RCOR1: variants seen among roughly 807,000 people sequenced by gnomAD.
The protein encoded by RCOR1 is REST corepressor 1.
A neutral mutation model predicts 64.0 loss-of-function variants in RCOR1; 12 were observed. The observed-to-expected ratio is 0.19, with a 90% CI of 0.12 to 0.30. RCOR1 has a LOEUF of 0.30. Among genes scored for constraint, RCOR1 ranks in the 10% least tolerant of loss-of-function variants. RCOR1 has a pLI of 1.00. For missense variants in RCOR1, 502 were observed against 621.2 expected (o/e 0.81, Z 2.04); for synonymous variants, 279 against 227.2 (o/e 1.23, Z -2.05).
At chr14:102,690,564 C>T (rs931225597) in intron 3 of RCOR1, among the ~76,000 whole-genome samples, 6 of 151,958 alleles carry the variant, frequency 3.9e-5, no homozygotes, top group African/African-American at 7.3e-5. Flanking sequence ...GCACTCCAGC[C>T]TGGGCAACAG....
intron 2 of RCOR1, chr14:102,658,401 T>G (rs1027968846): frequency 7.0e-6 from 3 of 425,588 alleles, no homozygotes; most frequent in African/African-American, 6.5e-5. Flanking sequence ...GCATGAGAAG[T>G]GCTTGAACTA....
intron 2 of RCOR1, among the ~76,000 whole-genome samples, chr14:102,639,606 T>C (rs1432562161): frequency 6.6e-6 from 1 of 151,646 alleles, no homozygotes; most frequent in Non-Finnish European, 1.5e-5. Flanking sequence ...TGATCTTGGC[T>C]CTTTGTATCT....
chr14:102,681,662 A>T (rs1368335535), intron 2 of RCOR1, among the ~76,000 whole-genome samples: 1 of 152,236 alleles, frequency 6.6e-6, no homozygotes, highest in African/African-American at 2.4e-5. Context: ...CTCATGCCTA[A>T]AAGCAGAGCA....
intron 2 of RCOR1, chr14:102,643,330 T>C: frequency 1.0e-6 from 1 of 980,850 alleles, no homozygotes; most frequent in Non-Finnish European, 1.2e-6. Flanking sequence ...GAACAAACCT[T>C]ATAGAGCTTC....
intron 8 of RCOR1, among the ~76,000 whole-genome samples, chr14:102,715,188 C>T (rs1896045867): frequency 6.6e-6 from 1 of 151,614 alleles, no homozygotes; most frequent in Admixed American, 6.6e-5. Context: ...CCTGCCTCAG[C>T]CTCCCGAGTA....
At chr14:102,670,933 C>G (rs1266847485) in intron 2 of RCOR1, among the ~76,000 whole-genome samples, 1 of 151,918 alleles carries the variant, frequency 6.6e-6, no homozygotes, top group African/African-American at 2.4e-5. Context: ...GCCACCATGC[C>G]TGGCTAATTT....
At chr14:102,710,755 G>A in intron 6 of RCOR1, 180 bp from the exon 7 acceptor site, 1 of 580,890 alleles carries the variant, frequency 1.7e-6, no homozygotes, top group South Asian at 2.3e-5. Context: ...TTGGTATTCT[G>A]TTTGAATTAC....
chr14:102,610,553 C>CTAT (rs781159203), intron 2 of RCOR1, among the ~76,000 whole-genome samples: 2 of 151,890 alleles, frequency 1.3e-5, no homozygotes, highest in Admixed American at 6.6e-5. Flanking sequence ...ATTATTATTG[C>CTAT]TATTATTATT....
At chr14:102,715,765 T>G (rs1247494508) in intron 8 of RCOR1, among the ~76,000 whole-genome samples, 2 of 152,356 alleles carry the variant, frequency 1.3e-5, no homozygotes, top group African/African-American at 4.8e-5. Flanking sequence ...GTACTGTTTA[T>G]TTTATGTCTG....
chr14:102,722,153 T>C, intron 10 of RCOR1, 34 bp from the exon 11 acceptor site: 1 of 1,547,692 alleles, frequency 6.5e-7, no homozygotes, highest in East Asian at 2.2e-5. Context: ...TGTTTTTCTC[T>C]TGTATTTTAA....
At chr14:102,689,241 T>C (rs1307304267) in intron 3 of RCOR1, among the ~76,000 whole-genome samples, 1 of 152,196 alleles carries the variant, frequency 6.6e-6, no homozygotes, top group East Asian at 1.9e-4. Context: ...TTAAATATAA[T>C]GCAAAACTGT....
chr14:102,679,048 T>C (rs1895249841), intron 2 of RCOR1, among the ~76,000 whole-genome samples: 2 of 152,234 alleles, frequency 1.3e-5, no homozygotes, highest in South Asian at 2.1e-4. Context: ...ATATGCGATA[T>C]GCAAATATTT....
intron 4 of RCOR1, 78 bp from the exon 5 acceptor site, chr14:102,707,268 TTTTTA>T: frequency 1.5e-5 from 18 of 1,235,234 alleles, no homozygotes; most frequent in East Asian, 7.4e-5. Context: ...TATGAAGTCG[TTTTTA>T]CTTTTCTTTT....
chr14:102,676,570 G>C (rs1895164040), intron 2 of RCOR1, among the ~76,000 whole-genome samples: 1 of 70,192 alleles, frequency 1.4e-5, no homozygotes, highest in Non-Finnish European at 2.8e-5. Context: ...TCACTTCCCA[G>C]TAGGGGCGGC....
At chr14:102,701,972 T>A (rs1459571398) in intron 4 of RCOR1, among the ~76,000 whole-genome samples, 2 of 152,196 alleles carry the variant, frequency 1.3e-5, no homozygotes, top group Non-Finnish European at 2.9e-5. Context: ...TGGCCAAGAT[T>A]TTCTTTTAAA....
intron 2 of RCOR1, among the ~76,000 whole-genome samples, chr14:102,653,684 G>C (rs1391736384): frequency 6.6e-6 from 1 of 151,832 alleles, no homozygotes; most frequent in Non-Finnish European, 1.5e-5. Flanking sequence ...GTGAGCTCTC[G>C]GGCGATCGGG....
At chr14:102,651,888 A>G (rs922521221) in intron 2 of RCOR1, among the ~76,000 whole-genome samples, 2 of 152,158 alleles carry the variant, frequency 1.3e-5, no homozygotes, top group Non-Finnish European at 2.9e-5. Context: ...AATTATTTAG[A>G]TAGCCCTGTA....
chr14:102,603,065 AT>A (rs1354378964), intron 2 of RCOR1, among the ~76,000 whole-genome samples: 54 of 151,070 alleles, frequency 3.6e-4, no homozygotes, highest in Non-Finnish European at 7.7e-4. Context: ...TTAATTTTTA[AT>A]TTTTTTAAGA....
chr14:102,606,001 C>T (rs1893499419), intron 2 of RCOR1, among the ~76,000 whole-genome samples: 2 of 152,296 alleles, frequency 1.3e-5, no homozygotes, highest in South Asian at 4.1e-4. Context: ...TCTCGGCTCA[C>T]TGCAACCTCT....
Sources: allele counts gnomAD v4.1 joint callset (sites outside exome capture counted in the v4.1 genomes callset), GRCh38; gene constraint gnomAD v4.1.1; transcripts MANE v1.5; gene names NCBI Gene and HGNC (gene_info 2026-07-23, HGNC 2026-07-21).